The following SRPX variants were observed in gnomAD, a reference collection of about 807,000 sequenced individuals.
SRPX encodes the protein sushi repeat containing protein X-linked.
A neutral mutation model predicts 38.1 loss-of-function variants in SRPX; 24 were observed. That is an observed-to-expected ratio of 0.63 (90% confidence interval 0.46 to 0.89). SRPX has a LOEUF of 0.89. Among genes scored for constraint, SRPX ranks in the 40% least tolerant of loss-of-function variants. The pLI is 0.00. For synonymous variants in SRPX, 184 were observed against 153.8 expected (o/e 1.20, Z -1.45); for missense variants, 416 against 377.8 (o/e 1.10, Z -0.84).
intron 4 of SRPX, among the ~76,000 whole-genome samples, chrX:38,166,656 A>G (rs1292050480): frequency 8.9e-6 from 1 of 112,046 alleles, no homozygotes; most frequent in Non-Finnish European, 1.9e-5. Context: ...ACAGAAAGAC[A>G]AGTATATAAT....
In SRPX at chrX:38,176,745, A is replaced by G. The variant is rs1012518671; in HGVS notation, c.157+1540T>C. On this transcript the variant is annotated intron_variant, in intron 2 of 9. Transcript: ENST00000378533. ...GAGGCGGATGTTACAGTGAGCCAAG[A>G]TCACGCCACTGCACTACAGCCTGGG... 4.5e-5 allele frequency among the ~76,000 whole-genome samples: 5 copies of G among 111,994 alleles called. No individual in the cohort carries two copies. In the Admixed American group the frequency reaches 4.7e-4, roughly 11 times the overall value.
At chrX:38,188,140 AAG>A (rs759089581) in intron 1 of SRPX, among the ~76,000 whole-genome samples, 177 of 111,837 alleles carry the variant, frequency 1.6e-3, no homozygotes, top group African/African-American at 5.0e-3. Flanking sequence ...AGAGTAAGAA[AAG>A]AGGGGAAATA....
chrX:38,181,112 A>G (rs933388640), intron 1 of SRPX, among the ~76,000 whole-genome samples: 1 of 112,308 alleles, frequency 8.9e-6, no homozygotes, highest in Non-Finnish European at 1.9e-5. Flanking sequence ...CCCTTTCCTA[A>G]TCTTCTCTTC....
In SRPX at chrX:38,220,716, G is replaced by T. The variant is rs376111986; in HGVS notation, c.77C>A (p.Pro26Gln). 3 of 1,167,314 alleles carry T rather than the reference G, an allele frequency of 2.6e-6. No homozygotes were observed. The highest frequency in any genetic ancestry group is 3.4e-6 in the Non-Finnish European group (3 of 877,840). ...PLLLLLLLRV[P>Q]PSRSFPGSGD... ...CCTACCTGGGAAGCTGCGGCTGGGC[G>T]GGACGCGCAGCAGCAGCAGCAGCAG... is the stretch of plus-strand genomic sequence containing the variant. Residue 26 changes from proline to glutamine, a missense_variant, in exon 1 of 10, where the codon CCG becomes CAG. Pro to Gln is a moderately conservative substitution (Grantham distance 76). Transcript: ENST00000378533.
chrX:38,205,779 C>CT (rs1403073702), intron 1 of SRPX, among the ~76,000 whole-genome samples: 2 of 112,347 alleles, frequency 1.8e-5, no homozygotes, highest in African/African-American at 6.5e-5. Flanking sequence ...ATGCCACATT[C>CT]TGTAGCTAAA....
chrX:38,219,719 C>G (rs899646290), intron 1 of SRPX, among the ~76,000 whole-genome samples: 1 of 111,867 alleles, frequency 8.9e-6, no homozygotes, highest in Non-Finnish European at 1.9e-5. Flanking sequence ...TTCTCATACC[C>G]TAGATTTAAG....
chrX:38,191,809 A>T (rs769322776), intron 1 of SRPX, among the ~76,000 whole-genome samples: 2 of 112,298 alleles, frequency 1.8e-5, no homozygotes, highest in Admixed American at 1.9e-4. Flanking sequence ...GCAGGTAGCA[A>T]TCAAAAGAGT....
chrX:38,207,002 A>G (rs892645403), intron 1 of SRPX, among the ~76,000 whole-genome samples: 1 of 111,604 alleles, frequency 9.0e-6, no homozygotes, highest in African/African-American at 3.3e-5. Context: ...ATTAGACAAT[A>G]TTCCATCCTC....
Position 38,220,749 on chromosome X carries a change from G to GGCAGCA in SRPX, c.38_43dup (p.Leu13_Leu14dup). On this transcript the variant is annotated inframe_insertion, in exon 1 of 10. Transcript: ENST00000378533. ...CAGCAGCAGCAGCAGCAGCAGAGGCGGCAGCAGCAGCAGCAGCGCGGGCCG... is the reference window on the plus strand; with the variant it reads ...CAGCAGCAGCAGCAGCAGCAGAGGCGGCAGCAGCAGCAGCAGCAGCAGCGCGGGCCG... 1 of 1,140,673 alleles carries GGCAGCA rather than the reference G, an allele frequency of 8.8e-7. No homozygotes were observed. The highest frequency in any genetic ancestry group is 2.0e-5 in the South Asian group (1 of 50,778). The allele number at this position is 1,140,673 out of a possible 1,213,427, so 94.0% of individuals were successfully genotyped here.
chrX:38,199,296 C>T (rs1238191529), intron 1 of SRPX, among the ~76,000 whole-genome samples: 1 of 111,813 alleles, frequency 8.9e-6, no homozygotes. Context: ...GTTCCAGCTA[C>T]TCGGGAGGCT....
At chrX:38,217,909 C>T (rs1303415479) in intron 1 of SRPX, among the ~76,000 whole-genome samples, 3 of 111,863 alleles carry the variant, frequency 2.7e-5, no homozygotes, top group African/African-American at 6.5e-5. Context: ...GAAGAAAATG[C>T]CAGAGGAAAA....
At chrX:38,200,103 G>A (rs1336114142) in intron 1 of SRPX, among the ~76,000 whole-genome samples, 2 of 112,119 alleles carry the variant, frequency 1.8e-5, no homozygotes, top group East Asian at 5.6e-4. Flanking sequence ...ATAGAAAGCT[G>A]AGCCAAACAC....
intron 1 of SRPX, among the ~76,000 whole-genome samples, chrX:38,182,207 G>A (rs980408734): frequency 8.9e-6 from 1 of 112,261 alleles, no homozygotes; most frequent in African/African-American, 3.2e-5. Context: ...TATGCAGCCA[G>A]TAAATGGTAA....
rs753914707 is a variant in SRPX, at chrX:38,191,231, TA to T, written c.98-12888del. ...CCATCAAGAGTCCTAACTTAAACAG[TA>T]GACCATCAATTTACATTTGAATGAA... On this transcript the variant is annotated intron_variant, in intron 1 of 9. Coordinates refer to ENST00000378533, the MANE Select transcript of SRPX (RefSeq NM_006307.5). Among the ~76,000 whole-genome samples the T allele has an allele frequency of 2.7e-5, 3 of 111,982 alleles. No individual in the cohort carries two copies. The East Asian group carries it at 8.4e-4, about 31-fold the overall frequency.
intron 5 of SRPX, among the ~76,000 whole-genome samples, chrX:38,164,123 T>A (rs772712926): frequency 1.7e-4 from 17 of 99,594 alleles, no homozygotes; most frequent in Admixed American, 8.2e-4. Flanking sequence ...GGTATATATA[T>A]TTATGGGGTA....
chrX:38,159,052 C>T (rs1938189411), intron 7 of SRPX, among the ~76,000 whole-genome samples: 1 of 111,631 alleles, frequency 9.0e-6, no homozygotes, highest in African/African-American at 3.3e-5. Flanking sequence ...TTATCTAACC[C>T]AATATATCCA....
At chrX:38,173,617 T>C (rs1173904021) in intron 3 of SRPX, among the ~76,000 whole-genome samples, 1 of 111,097 alleles carries the variant, frequency 9.0e-6, no homozygotes, top group African/African-American at 3.3e-5. Flanking sequence ...ACCCAGCTAA[T>C]TTTTTGTATT....
At chrX:38,196,738 G>T (rs1013414821) in intron 1 of SRPX, among the ~76,000 whole-genome samples, 1 of 112,219 alleles carries the variant, frequency 8.9e-6, no homozygotes. Flanking sequence ...AGGAATAGGG[G>T]AAAAGCCCAT....
Position 38,166,916 on chromosome X carries a change from G to A in SRPX, c.527-2021C>T, listed in dbSNP as rs182590196. On this transcript the variant is annotated intron_variant, in intron 4 of 9. Transcript: ENST00000378533. ...CTCCAAGATAGGTTATCTGGGTGAA[G>A]AGTCTCAGAGTTTCCCAAAGCCAGC... Among the ~76,000 whole-genome samples, 5 of 111,807 alleles carry A rather than the reference G, an allele frequency of 4.5e-5. No homozygotes were observed. In the East Asian group the frequency reaches 1.4e-3, roughly 31 times the overall value.
Sources: gnomAD v4.1 joint callset for allele counts (sites outside exome capture counted in the v4.1 genomes callset) on GRCh38, gnomAD v4.1.1 for gene constraint, MANE v1.5 for transcripts, NCBI Gene and HGNC (gene_info 2026-07-23, HGNC 2026-07-21) for gene names.